PCDHGA2: variants seen among roughly 807,000 people sequenced by gnomAD.
PCDHGA2 encodes protocadherin gamma subfamily A, 2.
Under a neutral mutation model 59.2 loss-of-function variants are expected in PCDHGA2, and 40 were observed. The observed-to-expected ratio is 0.68, with a 90% CI of 0.52 to 0.88. The LOEUF (loss-of-function observed/expected upper bound fraction) is 0.88, where lower values mean the gene tolerates loss of function less well. Among genes scored for constraint, PCDHGA2 ranks in the 40% least tolerant of loss-of-function variants. PCDHGA2 has a pLI of 0.00. For synonymous variants in PCDHGA2, 560 were observed against 526.0 expected (o/e 1.06, Z -0.89); for missense variants, 1,226 against 1,204.0 (o/e 1.02, Z -0.27).
rs754530973 is a variant in PCDHGA2 at position 141,413,859 on chromosome 5, C to T, written c.2424+72464C>T. 11 of 1,613,248 alleles carry T rather than the reference C, an allele frequency of 6.8e-6. No individual in the cohort carries two copies. The Admixed American group carries it at 1.7e-4, about 24-fold the overall frequency. On this transcript the variant is annotated intron_variant, in intron 1 of 3. Transcript: ENST00000394576. ...ACGGGGGTGACCCTCTCCGATCTGG[C>T]ACTGTCCTTGTCAGTGTGACTGTCT...
In PCDHGA2 at chr5:141,485,848, C is replaced by A; in HGVS notation, c.2425-8959C>A. The stretch of plus-strand genomic sequence containing the variant: ...GAGGGAACCCGCCGAGATCTGGCAC[C>A]GCAGAGCTCCGGGTATCCGTGCTGG... On this transcript the variant is annotated intron_variant, in intron 1 of 3. Transcript: ENST00000394576. This position sits in a 1 kb window ranked among gnomAD's most constrained non-coding sequence, Gnocchi z 5.7. 1 of 1,614,192 alleles carries A rather than the reference C, an allele frequency of 6.2e-7. No homozygotes were observed. The highest frequency in any genetic ancestry group is 8.5e-7 in the Non-Finnish European group (1 of 1,180,020).
At chr5:141,364,626 G>A (rs1188040280) in intron 1 of PCDHGA2, 1 of 1,614,162 alleles carries the variant, frequency 6.2e-7, no homozygotes, top group East Asian at 2.2e-5. Flanking sequence ...TGCGCTCAGA[G>A]CCCACTGTGT....
intron 1 of PCDHGA2, among the ~76,000 whole-genome samples, chr5:141,455,172 G>GT (rs1344126228): frequency 3.3e-5 from 5 of 150,340 alleles, no homozygotes; most frequent in South Asian, 4.2e-4. Context: ...TTTTTTTTTA[G>GT]TTTTTTTATT....
intron 1 of PCDHGA2, among the ~76,000 whole-genome samples, chr5:141,468,079 C>A (rs2099157359): frequency 6.6e-6 from 1 of 151,986 alleles, no homozygotes; most frequent in African/African-American, 2.4e-5. Context: ...AATCCCAGCA[C>A]TTTGGGAGGT....
chr5:141,443,788 A>C (rs1468852602), intron 1 of PCDHGA2, among the ~76,000 whole-genome samples: 2 of 152,224 alleles, frequency 1.3e-5, no homozygotes, highest in African/African-American at 4.8e-5. Context: ...AGACAAAAAA[A>C]ATGAAAAGGA....
chr5:141,431,447 G>C lies in PCDHGA2; in HGVS notation c.2425-63360G>C. ...GCGCACAGGCACCGCGCGCATCCGC[G>C]TGATGGTTCTGGATGCGAACGACAA... is the stretch of plus-strand genomic sequence containing the variant. On this transcript the variant is annotated intron_variant, in intron 1 of 3. Coordinates refer to ENST00000394576, the MANE Select transcript of PCDHGA2 (RefSeq NM_018915.4). The surrounding 1 kb of genome is among the most constrained non-coding windows in gnomAD (Gnocchi z 4.8). The C allele has an allele frequency of 6.2e-7, 1 of 1,613,792 alleles. No individual in the cohort carries two copies. Among genetic ancestry groups the C allele is most frequent in the Non-Finnish European group, 8.5e-7 (1 of 1,180,014 alleles).
chr5:141,403,339 C>A, intron 1 of PCDHGA2: 2 of 1,614,010 alleles, frequency 1.2e-6, no homozygotes, highest in Non-Finnish European at 1.7e-6. Flanking sequence ...TTAACGACAG[C>A]GCCCCAAAGT....
At position 141,487,736 on chromosome 5, in the gene PCDHGA2, G is replaced by C; in HGVS notation, c.2425-7071G>C. On this transcript the variant is annotated intron_variant, in intron 1 of 3. Transcript: ENST00000394576. The surrounding 1 kb of genome is among the most constrained non-coding windows in gnomAD (Gnocchi z 5.0). Reference sequence around the variant, plus strand: ...TGCCCATAGTGATGTCACCATTTTTGTAAGAGGTAACTATGTGGTAGACGC... The same window carrying C: ...TGCCCATAGTGATGTCACCATTTTTCTAAGAGGTAACTATGTGGTAGACGC... 1 of 1,563,758 alleles carries C rather than the reference G, an allele frequency of 6.4e-7. No homozygotes were observed.
At chr5:141,350,874 A>G (rs756809121) in intron 1 of PCDHGA2, 3 of 1,613,964 alleles carry the variant, frequency 1.9e-6, no homozygotes, top group Non-Finnish European at 2.5e-6. Flanking sequence ...CAGAGCTCTC[A>G]TCGCTTAATC....
chr5:141,430,673 C>A, intron 1 of PCDHGA2: 1 of 1,288,318 alleles, frequency 7.8e-7, no homozygotes, highest in Non-Finnish European at 1.0e-6. Flanking sequence ...TCTGACTTCC[C>A]AACTGTCCCA....
chr5:141,347,012 CCTCTCTCTTTCCTCCTTCCTTCCTTCCT>C (rs1554073351), intron 1 of PCDHGA2, among the ~76,000 whole-genome samples: 6 of 150,868 alleles, frequency 4.0e-5, no homozygotes, highest in South Asian at 2.1e-4. Context: ...TTCCTTCCTT[CCTCTCTCTTTCCTCCTTCCTTCCTTCCT>C]CTCTCTCTTT....
At chr5:141,394,436 C>T in intron 1 of PCDHGA2, 1 of 1,614,234 alleles carries the variant, frequency 6.2e-7, no homozygotes, top group South Asian at 1.1e-5. Context: ...GGGACCCGCC[C>T]CTCAGCAGCA....
chr5:141,489,013 C>T lies in PCDHGA2; in HGVS notation c.2425-5794C>T, dbSNP rs533320646. ...AGGTGGGAGATCTGCTCTTCCAGCC[C>T]GCCTCTCCTCCTCCAGCTCCCCAGC... On this transcript the variant is annotated intron_variant, in intron 1 of 3. Coordinates refer to ENST00000394576, the MANE Select transcript of PCDHGA2 (RefSeq NM_018915.4). The surrounding 1 kb of genome is among the most constrained non-coding windows in gnomAD (Gnocchi z 4.5). 4.6e-5 allele frequency: 20 copies of T among 438,612 alleles called. No homozygotes were observed. Among genetic ancestry groups the T allele is most frequent in the East Asian group, 2.7e-4 (8 of 29,802 alleles). The allele number at this position is 438,612 out of a possible 1,614,324, so 27.2% of individuals were successfully genotyped here.
intron 1 of PCDHGA2, among the ~76,000 whole-genome samples, chr5:141,430,213 A>G (rs892801149): frequency 6.6e-6 from 1 of 151,106 alleles, no homozygotes; most frequent in Non-Finnish European, 1.5e-5. Context: ...AAATTATTAT[A>G]TTATATGATT....
At chr5:141,484,317 T>C (rs939085863) in intron 1 of PCDHGA2, among the ~76,000 whole-genome samples, 1 of 152,220 alleles carries the variant, frequency 6.6e-6, no homozygotes, top group Non-Finnish European at 1.5e-5. Context: ...CCCGCTTCCA[T>C]ACTGTCCTTG....
chr5:141,375,552 C>T, intron 1 of PCDHGA2: 1 of 1,614,058 alleles, frequency 6.2e-7, no homozygotes. Flanking sequence ...GTCTCCTACT[C>T]ACTGGCAGAA....
intron 1 of PCDHGA2, chr5:141,357,721 T>A: frequency 7.1e-7 from 1 of 1,415,050 alleles, no homozygotes; most frequent in East Asian, 2.5e-5. Flanking sequence ...TAAAGTTGCC[T>A]CTTTTAATAT....
chr5:141,474,819 G>A (rs1180279468), intron 1 of PCDHGA2, among the ~76,000 whole-genome samples: 1 of 152,190 alleles, frequency 6.6e-6, no homozygotes, highest in Non-Finnish European at 1.5e-5. Flanking sequence ...CATTAATTGA[G>A]GCTTACTCTG....
rs200598354 is a variant in PCDHGA2 at position 141,365,666 on chromosome 5, A to G, written c.2424+24271A>G. ...CATCCCCTTGAAAGTAGCAGACGTT[A>G]ATGACAACCCACCCAATTTCCCTCA... is the stretch of plus-strand genomic sequence containing the variant. On this transcript the variant is annotated intron_variant, in intron 1 of 3. Coordinates refer to ENST00000394576, the MANE Select transcript of PCDHGA2 (RefSeq NM_018915.4). The G allele has an allele frequency of 2.4e-4, 388 of 1,613,398 alleles. No homozygotes were observed. Among genetic ancestry groups the G allele is most frequent in the Admixed American group, 8.2e-4 (49 of 60,008 alleles).
Sources: gnomAD v4.1 joint callset for allele counts (sites outside exome capture counted in the v4.1 genomes callset) on GRCh38, gnomAD v4.1.1 for gene constraint, Gnocchi (gnomAD v3.1) non-coding constraint, MANE v1.5 for transcripts, NCBI Gene and HGNC (gene_info 2026-07-23, HGNC 2026-07-21) for gene names.